Variants in SBNO2 observed in about 807,000 individuals in gnomAD.
The protein encoded by SBNO2 is strawberry notch homolog 2, also known as protein strawberry notch homolog 2.
A neutral mutation model predicts 146.3 loss-of-function variants in SBNO2; 89 were observed. The ratio of observed to expected loss-of-function variants is 0.61; its 90% CI spans 0.51 to 0.73. The LOEUF (loss-of-function observed/expected upper bound fraction) is 0.73. SBNO2 is among the 30% of genes least tolerant of loss of function. The pLI, the probability that SBNO2 is intolerant of heterozygous loss-of-function variation, is 0.00. For synonymous variants in SBNO2, 1,147 were observed against 892.6 expected, an observed-to-expected ratio of 1.29 and a Z score of -5.08; for missense variants, 2,092 against 2,003.7, an observed-to-expected ratio of 1.04 and a Z score of -0.84.
chr19:1,149,951 G>C (rs1436622226), intron 2 of SBNO2, among the ~76,000 whole-genome samples: 5 of 152,226 alleles, frequency 3.3e-5, no homozygotes, highest in Non-Finnish European at 7.3e-5. Flanking sequence ...CGGACAAGCT[G>C]ATGTGCCCGG....
chr19:1,139,520 C>T (rs924682702), intron 4 of SBNO2, among the ~76,000 whole-genome samples: 2 of 151,990 alleles, frequency 1.3e-5, no homozygotes, highest in Non-Finnish European at 2.9e-5. Flanking sequence ...AGGGGCGGGG[C>T]GTGGTGGCTC....
Position 1,108,018 on chromosome 19 carries a change from C to A in SBNO2, c.*202G>T. ...GAGGAGAGGCACAGAGAGGGCCCTG[C>A]CACGCCCCGGCCCCCAGCTGTCCTG... is the stretch of plus-strand genomic sequence containing the variant. On this transcript the variant is annotated 3_prime_UTR_variant, in exon 32 of 32. Transcript: ENST00000361757. 2.4e-6 allele frequency: 1 copy of A among 418,748 alleles called. No individual in the cohort carries two copies. The highest frequency in any genetic ancestry group is 4.9e-5 in the East Asian group (1 of 20,482). The allele number at this position is 418,748 out of a possible 1,614,324, so 25.9% of individuals were successfully genotyped here.
At chr19:1,166,919 A>G (rs2080431605) in intron 1 of SBNO2, among the ~76,000 whole-genome samples, 2 of 152,148 alleles carry the variant, frequency 1.3e-5, no homozygotes, top group South Asian at 4.1e-4. Context: ...GGGGAGTGCC[A>G]AGCGTTGCCA....
At position 1,141,284 on chromosome 19, in the gene SBNO2, G is replaced by A. The variant is rs542381897; in HGVS notation, c.279+6025C>T. Among the ~76,000 whole-genome samples the A allele has an allele frequency of 3.4e-4, 51 of 151,718 alleles. 1 individual carries two copies. The highest frequency in any genetic ancestry group is 6.2e-4 in the South Asian group (3 of 4,808). ...GGCTCGAATGCAGTGGCGCAATCTC[G>A]GCTCCCTGCAACCTCTGCTTCCCGA... On this transcript the variant is annotated intron_variant, in intron 4 of 31. Coordinates refer to ENST00000361757, the MANE Select transcript of SBNO2 (RefSeq NM_014963.3).
intron 1 of SBNO2, among the ~76,000 whole-genome samples, chr19:1,159,707 G>A (rs1255449173): frequency 3.2e-5 from 3 of 94,058 alleles, no homozygotes; most frequent in East Asian, 4.0e-4. Flanking sequence ...CGGCGGATGG[G>A]ACAGCGGGGG....
At chr19:1,147,629 T>TG (rs1160621768) in intron 3 of SBNO2, among the ~76,000 whole-genome samples, 2 of 151,830 alleles carry the variant, frequency 1.3e-5, no homozygotes, top group Admixed American at 6.6e-5. Flanking sequence ...CCACCCCCAC[T>TG]GGACACAGCC....
At chr19:1,166,617 G>GCACACACACACACA (rs71932539) in intron 1 of SBNO2, among the ~76,000 whole-genome samples, 8 of 136,276 alleles carry the variant, frequency 5.9e-5, no homozygotes, top group African/African-American at 2.0e-4. Flanking sequence ...AACTGCACGC[G>GCACACACACACACA]CACACACACA....
intron 14 of SBNO2, among the ~76,000 whole-genome samples, chr19:1,118,241 G>A (rs961253673): frequency 1.7e-4 from 26 of 152,318 alleles, no homozygotes; most frequent in African/African-American, 5.8e-4. Context: ...GGGAGGCTGA[G>A]GCAGGAGAAT....
chr19:1,138,386 C>G (rs2080104517), intron 4 of SBNO2, among the ~76,000 whole-genome samples: 1 of 151,798 alleles, frequency 6.6e-6, no homozygotes, highest in African/African-American at 2.4e-5. Context: ...AGCAAGGGCC[C>G]CTTATCCTCG....
chr19:1,131,268 T>G (rs899504411), intron 4 of SBNO2, among the ~76,000 whole-genome samples: 1 of 152,058 alleles, frequency 6.6e-6, no homozygotes, highest in East Asian at 1.9e-4. Flanking sequence ...CTCTGCAGTC[T>G]GTAGTGAGGG....
rs1833451836 is a variant in SBNO2, at chr19:1,110,918, T to C, written c.2885-30A>G. ...TAGGGGAGGGAGCCAAGCCTCAGGC[T>C]GCGCTGGGAATCCCTCTCCCTGCTT... is the stretch of plus-strand genomic sequence containing the variant. On this transcript the variant is annotated intron_variant, in intron 25 of 31. Transcript: ENST00000361757. This position sits in a 1 kb window ranked among gnomAD's most constrained non-coding sequence, Gnocchi z 4.9. 6.2e-7 allele frequency: 1 copy of C among 1,611,714 alleles called. No individual in the cohort carries two copies. The highest frequency in any genetic ancestry group is 1.1e-5 in the South Asian group (1 of 91,074).
intron 3 of SBNO2, 85 bp downstream of exon 3, chr19:1,149,284 C>G: frequency 7.7e-7 from 1 of 1,297,350 alleles, no homozygotes; most frequent in African/African-American, 1.5e-5. Context: ...TGGGCCCTCG[C>G]GCCCTGCACC....
Position 1,122,278 on chromosome 19 carries a change from T to C in SBNO2, c.1010A>G (p.Lys337Arg). The C allele has an allele frequency of 1.3e-6, 2 of 1,562,512 alleles. No homozygotes were observed. Among genetic ancestry groups the C allele is most frequent in the South Asian group, 2.4e-5 (2 of 83,130 alleles). Residue 337 changes from lysine (K) to arginine (R), a missense_variant, in exon 11 of 32, where the codon AAG becomes AGG. Coordinates refer to ENST00000361757, the MANE Select transcript of SBNO2 (RefSeq NM_014963.3). ...GIAVHALSKI[K>R]YGDTTTSEGV... is the part of the protein sequence containing the mutation. Reference sequence around the variant, plus strand: ...CTCTGAGGTAGTGGTGTCACCGTACTTGATCTGGGGATGCACAGAACAGGT... The same window carrying C: ...CTCTGAGGTAGTGGTGTCACCGTACCTGATCTGGGGATGCACAGAACAGGT...
chr19:1,153,624 G>A (rs2080262437), intron 2 of SBNO2, among the ~76,000 whole-genome samples: 1 of 151,844 alleles, frequency 6.6e-6, no homozygotes, highest in Non-Finnish European at 1.5e-5. Flanking sequence ...TGCAGCCTCT[G>A]CCTCCTAGAT....
intron 3 of SBNO2, among the ~76,000 whole-genome samples, chr19:1,148,276 C>A (rs1322347617): frequency 1.3e-5 from 2 of 151,978 alleles, no homozygotes; most frequent in African/African-American, 4.8e-5. Flanking sequence ...TTTGCAAACA[C>A]CAGCAGGAAA....
At chr19:1,163,869 G>A (rs1241873342) in intron 1 of SBNO2, among the ~76,000 whole-genome samples, 3 of 152,228 alleles carry the variant, frequency 2.0e-5, no homozygotes, top group Non-Finnish European at 2.9e-5. Context: ...AGGAACGGCA[G>A]TGGCCCCGGT....
chr19:1,109,020 G>A lies in SBNO2; in HGVS notation c.3426-51C>T, dbSNP rs900286961. The stretch of plus-strand genomic sequence containing the variant: ...CTCAGGCGGGTCCCAGGGGCCCGCA[G>A]GCTCCCCAGGTGCCCTGAGATCTCC... On this transcript the variant is annotated intron_variant, in intron 30 of 31. Coordinates refer to ENST00000361757, the MANE Select transcript of SBNO2 (RefSeq NM_014963.3). The surrounding 1 kb of genome is among the most constrained non-coding windows in gnomAD (Gnocchi z 4.2). 104 of 1,489,058 alleles carry A rather than the reference G, an allele frequency of 7.0e-5. No individual in the cohort carries two copies. The African/African-American group carries it at 1.3e-3, about 19-fold the overall frequency. 92.2% of individuals were successfully genotyped at this position (1,489,058 alleles called of 1,614,324 possible).
intron 1 of SBNO2, among the ~76,000 whole-genome samples, chr19:1,159,979 CT>C (rs2080328947): frequency 6.6e-6 from 1 of 152,084 alleles, no homozygotes; most frequent in African/African-American, 2.4e-5. Flanking sequence ...GGCGCTGCCC[CT>C]GCCCACGCCA....
At chr19:1,127,346 C>T (rs1423584577) in intron 5 of SBNO2, among the ~76,000 whole-genome samples, 1 of 152,218 alleles carries the variant, frequency 6.6e-6, no homozygotes, top group Non-Finnish European at 1.5e-5. Context: ...CATCCTGGCC[C>T]CCCCCAACTC....
Sources: allele counts gnomAD v4.1 joint callset (sites outside exome capture counted in the v4.1 genomes callset), GRCh38; gene constraint gnomAD v4.1.1; non-coding constraint Gnocchi (gnomAD v3.1); transcripts MANE v1.5; gene names NCBI Gene and HGNC (gene_info 2026-07-23, HGNC 2026-07-21).